The following TBC1D22A variants were observed in gnomAD, a reference collection of about 807,000 sequenced individuals.
TBC1D22A encodes putative GTPase activator.
In TBC1D22A, 38 loss-of-function variants were observed where a neutral mutation model predicts 60.2. The ratio of observed to expected loss-of-function variants is 0.63; its 90% confidence interval spans 0.49 to 0.83. The LOEUF is 0.83. Among genes scored for constraint, TBC1D22A ranks in the 40% least tolerant of loss-of-function variants. The probability of loss-of-function intolerance (pLI) is 0.00; values close to 1 mark genes in which losing one functional copy is unlikely to be tolerated. For synonymous variants in TBC1D22A, 302 were observed against 281.7 expected (o/e 1.07, Z -0.72); for missense variants, 628 against 701.0 (o/e 0.90, Z 1.18).
chr22:46,834,706 T>A (rs946508924), intron 4 of TBC1D22A, among the ~76,000 whole-genome samples: 2 of 152,234 alleles, frequency 1.3e-5, no homozygotes, highest in Non-Finnish European at 2.9e-5. Context: ...CAGTTTCTAC[T>A]AACTGCCTTG....
chr22:46,823,901 C>G (rs2085936616), intron 4 of TBC1D22A, among the ~76,000 whole-genome samples: 1 of 152,176 alleles, frequency 6.6e-6, no homozygotes, highest in Admixed American at 6.5e-5. Flanking sequence ...GTGGGATGGA[C>G]AGTGGAGCTG....
chr22:47,098,324 C>T (rs2065263865), intron 11 of TBC1D22A, among the ~76,000 whole-genome samples: 1 of 152,208 alleles, frequency 6.6e-6, no homozygotes, highest in South Asian at 2.1e-4. Context: ...GGAGATTCTT[C>T]TCATGGACTT....
intron 9 of TBC1D22A, among the ~76,000 whole-genome samples, chr22:46,977,660 G>T (rs1312128653): frequency 6.6e-6 from 1 of 152,152 alleles, no homozygotes; most frequent in Non-Finnish European, 1.5e-5. Flanking sequence ...GGTTTAATTA[G>T]CTCACAGTTC....
intron 1 of TBC1D22A, among the ~76,000 whole-genome samples, chr22:46,773,378 C>A (rs2083570745): frequency 1.3e-5 from 2 of 152,220 alleles, no homozygotes; most frequent in African/African-American, 4.8e-5. Flanking sequence ...GTGTTCCCTG[C>A]AGCGCTCAGA....
intron 10 of TBC1D22A, among the ~76,000 whole-genome samples, chr22:47,001,336 T>G (rs1467517189): frequency 3.3e-5 from 5 of 149,790 alleles, no homozygotes; most frequent in Admixed American, 1.3e-4. Flanking sequence ...CCAAACACCT[T>G]TTTCAAATAA....
At chr22:46,827,257 G>A (rs973363900) in intron 4 of TBC1D22A, among the ~76,000 whole-genome samples, 1 of 152,206 alleles carries the variant, frequency 6.6e-6, no homozygotes, top group Non-Finnish European at 1.5e-5. Context: ...CCGTCACCAC[G>A]CGATGGTGTT....
In TBC1D22A at chr22:47,009,545, C is replaced by T. The variant is rs915463649; in HGVS notation, c.1201+11836C>T. Among the ~76,000 whole-genome samples the T allele has an allele frequency of 5.9e-5, 9 of 151,824 alleles. No homozygotes were observed. The highest frequency in any genetic ancestry group is 2.2e-4 in the African/African-American group (9 of 41,308). Reference sequence around the variant, plus strand: ...CCATCACCATCATCATCATTGCCATCATCACCATCATTACGTCATCACCAG... The same window carrying T: ...CCATCACCATCATCATCATTGCCATTATCACCATCATTACGTCATCACCAG... On this transcript the variant is annotated intron_variant, in intron 10 of 12. Transcript: ENST00000337137. This position sits in a 1 kb window ranked among gnomAD's most constrained non-coding sequence, Gnocchi z 5.8.
chr22:47,021,701 C>G (rs1000591402), intron 10 of TBC1D22A, among the ~76,000 whole-genome samples: 1 of 152,252 alleles, frequency 6.6e-6, no homozygotes, highest in Non-Finnish European at 1.5e-5. Context: ...CCCATACAGA[C>G]TCATAAATAT....
chr22:46,904,125 A>G lies in TBC1D22A; in HGVS notation c.901-7949A>G, dbSNP rs575201160. 1.9e-3 allele frequency among the ~76,000 whole-genome samples: 169 copies of G among 89,116 alleles called. 1 individual carries two copies. Among genetic ancestry groups the G allele is most frequent in the African/African-American group, 4.6e-3 (88 of 19,010 alleles). 58.5% of individuals were successfully genotyped at this position (89,116 alleles called of 152,430 possible). Reference sequence around the variant, plus strand: ...TATCTATCTATCTATCTATCTATCTATCTATCTATCTATCTATCTACCTAC... The same window carrying G: ...TATCTATCTATCTATCTATCTATCTGTCTATCTATCTATCTATCTACCTAC... On this transcript the variant is annotated intron_variant, in intron 7 of 12. Coordinates refer to ENST00000337137, the MANE Select transcript of TBC1D22A (RefSeq NM_014346.5).
At position 47,090,242 on chromosome 22, in the gene TBC1D22A, C is replaced by T. The variant is rs16996335; in HGVS notation, c.1330-21266C>T. ...ATTCATGCTAGGAAAGGCCAGCATC[C>T]GCCAGCTCATGTCTCCACCCGGCAC... is the stretch of plus-strand genomic sequence containing the variant. On this transcript the variant is annotated intron_variant, in intron 11 of 12. Coordinates refer to ENST00000337137, the MANE Select transcript of TBC1D22A (RefSeq NM_014346.5). 7.6e-3 allele frequency among the ~76,000 whole-genome samples: 1,159 copies of T among 152,294 alleles called. 12 individuals are homozygous for T. The highest frequency in any genetic ancestry group is 0.025 in the African/African-American group (1,059 of 41,560).
chr22:47,149,615 C>T (rs556717130), intron 12 of TBC1D22A, among the ~76,000 whole-genome samples: 3 of 152,238 alleles, frequency 2.0e-5, no homozygotes, highest in African/African-American at 7.2e-5. Context: ...ACCAGCCCTG[C>T]CCCGGGAGCT....
intron 11 of TBC1D22A, among the ~76,000 whole-genome samples, chr22:47,083,604 A>G (rs567584001): frequency 2.2e-4 from 34 of 152,320 alleles, no homozygotes; most frequent in African/African-American, 7.7e-4. Flanking sequence ...ACTCCTGCCC[A>G]GCCCCAGGGG....
At chr22:46,849,838 T>C (rs1207334050) in intron 4 of TBC1D22A, among the ~76,000 whole-genome samples, 2 of 152,220 alleles carry the variant, frequency 1.3e-5, no homozygotes, top group East Asian at 3.8e-4. Flanking sequence ...GATTGCTCTT[T>C]CTATGATGTG....
chr22:47,049,324 G>A (rs879872738), intron 11 of TBC1D22A, among the ~76,000 whole-genome samples: 59 of 152,364 alleles, frequency 3.9e-4, no homozygotes, highest in Admixed American at 6.5e-5. Context: ...GGAAGTGTGG[G>A]AAAGAAGAAG....
intron 12 of TBC1D22A, among the ~76,000 whole-genome samples, chr22:47,115,426 C>T (rs911432391): frequency 7.2e-5 from 11 of 151,798 alleles, no homozygotes; most frequent in African/African-American, 2.4e-4. Context: ...CCTTTAGCCA[C>T]TGAGATTCAA....
At chr22:47,039,660 T>C (rs1396585795) in intron 11 of TBC1D22A, among the ~76,000 whole-genome samples, 2 of 105,352 alleles carry the variant, frequency 1.9e-5, no homozygotes, top group African/African-American at 7.6e-5. Context: ...ATGGCCCTGC[T>C]CCCCCAGGGG....
At chr22:47,020,236 A>G (rs1035042325) in intron 10 of TBC1D22A, among the ~76,000 whole-genome samples, 3 of 152,148 alleles carry the variant, frequency 2.0e-5, no homozygotes, top group Non-Finnish European at 4.4e-5. Flanking sequence ...GCCTCACACA[A>G]CCTACAGGTC....
chr22:47,145,993 C>T (rs766216102), intron 12 of TBC1D22A, among the ~76,000 whole-genome samples: 9 of 149,126 alleles, frequency 6.0e-5, no homozygotes, highest in Non-Finnish European at 1.2e-4. Flanking sequence ...TGGCCTGTTC[C>T]GTGCTGTCCC....
intron 12 of TBC1D22A, 124 bp from the exon 13 acceptor site, chr22:47,173,374 C>A: frequency 7.6e-7 from 1 of 1,321,510 alleles, no homozygotes; most frequent in Non-Finnish European, 1.0e-6. Context: ...CCTGGATCAC[C>A]CGCCCTGCAC....
Sources: allele counts gnomAD v4.1 joint callset (sites outside exome capture counted in the v4.1 genomes callset), GRCh38; gene constraint gnomAD v4.1.1; non-coding constraint Gnocchi (gnomAD v3.1); transcripts MANE v1.5; gene names NCBI Gene and HGNC (gene_info 2026-07-23, HGNC 2026-07-21).